MIPOL1: variants seen among roughly 807,000 people sequenced by gnomAD.
The protein encoded by MIPOL1 is mirror-image polydactyly 1.
MIPOL1 carries 57 observed loss-of-function variants against 60.9 expected under a neutral mutation model. The observed-to-expected ratio is 0.94, with a 90% CI of 0.76 to 1.17. MIPOL1 has a LOEUF of 1.17. Among genes scored for constraint, MIPOL1 ranks in the 50% most tolerant of loss-of-function variants. MIPOL1 has a pLI of 0.00. For missense variants in MIPOL1, 551 were observed against 511.6 expected, an observed-to-expected ratio of 1.08 and a Z score of -0.74; for synonymous variants, 179 against 168.8, an observed-to-expected ratio of 1.06 and a Z score of -0.47.
chr14:37,216,643 G>A (rs1967767243), intron 1 of MIPOL1, among the ~76,000 whole-genome samples: 1 of 152,048 alleles, frequency 6.6e-6, no homozygotes, highest in Non-Finnish European at 1.5e-5. Flanking sequence ...TTTGGAAACT[G>A]GACAAATACT....
intron 7 of MIPOL1, among the ~76,000 whole-genome samples, chr14:37,303,467 C>T: frequency 6.6e-6 from 1 of 151,872 alleles, no homozygotes; most frequent in East Asian, 1.9e-4. Context: ...TTTATTCTAT[C>T]TCTTTAACTA....
intron 12 of MIPOL1, among the ~76,000 whole-genome samples, chr14:37,527,397 T>TGTTATTTTTTTCCATTTAAAAGA (rs2095454644): frequency 6.6e-6 from 1 of 152,134 alleles, no homozygotes; most frequent in Admixed American, 6.5e-5. Flanking sequence ...TTAGCCGTTG[T>TGTTATTTTTTTCCATTTAAAAGA]GTTATTTTTT....
At chr14:37,487,286 CT>C (rs2094962968) in intron 11 of MIPOL1, among the ~76,000 whole-genome samples, 1 of 152,038 alleles carries the variant, frequency 6.6e-6, no homozygotes, top group East Asian at 1.9e-4. Context: ...GGATATTTGC[CT>C]GAAATTTTCT....
intron 11 of MIPOL1, among the ~76,000 whole-genome samples, chr14:37,491,932 A>G (rs1278108421): frequency 6.6e-6 from 1 of 152,174 alleles, no homozygotes; most frequent in Non-Finnish European, 1.5e-5. Context: ...TCTGTATGTC[A>G]TTCAGAATTA....
At chr14:37,538,249 C>T (rs561657472) in intron 12 of MIPOL1, among the ~76,000 whole-genome samples, 2 of 152,262 alleles carry the variant, frequency 1.3e-5, no homozygotes, top group Admixed American at 1.3e-4. Context: ...GGAGTCATTT[C>T]ACAAACTGTC....
At chr14:37,224,457 G>A (rs945686707) in intron 1 of MIPOL1, among the ~76,000 whole-genome samples, 20 of 152,220 alleles carry the variant, frequency 1.3e-4, no homozygotes, top group African/African-American at 4.3e-4. Context: ...CACAATCGTG[G>A]TGGAAGGTGA....
chr14:37,431,416 T>A (rs929694997), intron 11 of MIPOL1, among the ~76,000 whole-genome samples: 4 of 152,042 alleles, frequency 2.6e-5, no homozygotes, highest in African/African-American at 9.7e-5. Flanking sequence ...GTCTTCTCCA[T>A]CCTTACTTCT....
chr14:37,350,083 C>T (rs1042540274), intron 9 of MIPOL1, among the ~76,000 whole-genome samples: 1 of 152,046 alleles, frequency 6.6e-6, no homozygotes, highest in African/African-American at 2.4e-5. Context: ...TCTTTTTCCT[C>T]TTTTCAGAAA....
chr14:37,374,226 G>A (rs2092714595), intron 10 of MIPOL1, among the ~76,000 whole-genome samples: 1 of 151,984 alleles, frequency 6.6e-6, no homozygotes, highest in African/African-American at 2.4e-5. Context: ...TTTTTGATGG[G>A]GTTGTTTGTT....
rs2095558369 is a variant in MIPOL1 at position 37,550,166 on chromosome 14, ATAAAT to A, written c.*3197_*3201del. The A allele has an allele frequency of 3.3e-5, 5 of 151,406 alleles. No individual in the cohort carries two copies. The South Asian group carries it at 8.3e-4, about 25-fold the overall frequency. The allele number at this position is 151,406 out of a possible 1,614,324, so 9.4% of individuals were successfully genotyped here. A position where few individuals can be genotyped will look rare whatever the true frequency, so the allele number is the denominator to read the frequency against. ...ATCCTTTGTATATTTCCTTATTCAA[ATAAAT>A]TCAGTCATCTTCTTATCAGGTTGCT... On this transcript the variant is annotated 3_prime_UTR_variant, in exon 13 of 13. Coordinates refer to ENST00000684589, the MANE Select transcript of MIPOL1 (RefSeq NM_001388067.1).
intron 1 of MIPOL1, among the ~76,000 whole-genome samples, chr14:37,239,083 T>C (rs1971956551): frequency 6.8e-6 from 1 of 146,678 alleles, no homozygotes; most frequent in Non-Finnish European, 1.5e-5. Flanking sequence ...GGAGTCTGAC[T>C]CTGTTGCCCA....
intron 11 of MIPOL1, among the ~76,000 whole-genome samples, chr14:37,471,283 T>A (rs2094685559): frequency 1.3e-5 from 2 of 152,196 alleles, no homozygotes; most frequent in Admixed American, 1.3e-4. Context: ...CAGGAATATT[T>A]TCATAATTTA....
chr14:37,331,992 G>T lies in MIPOL1; in HGVS notation c.828+23473G>T, dbSNP rs189531769. Among the ~76,000 whole-genome samples, 98 of 152,194 alleles carry T rather than the reference G, an allele frequency of 6.4e-4. 1 individual carries two copies. Among genetic ancestry groups the T allele is most frequent in the Admixed American group, 1.1e-3 (17 of 15,284 alleles). ...GTCTCTACTAAAAATACAAAAATTA[G>T]CCATGCATGGTGGCAGGTGCCTGTA... On this transcript the variant is annotated intron_variant, in intron 9 of 12. Transcript: ENST00000684589.
chr14:37,496,247 G>A (rs1213268716), intron 11 of MIPOL1, among the ~76,000 whole-genome samples: 5 of 136,986 alleles, frequency 3.7e-5, no homozygotes, highest in South Asian at 2.6e-4. Context: ...GCACAAGACA[G>A]GGATGCCCTC....
At chr14:37,407,673 G>A (rs1228432495) in intron 10 of MIPOL1, among the ~76,000 whole-genome samples, 1 of 151,896 alleles carries the variant, frequency 6.6e-6, no homozygotes, top group Admixed American at 6.6e-5. Context: ...GTACATGAGA[G>A]ACCATTGTTT....
intron 11 of MIPOL1, among the ~76,000 whole-genome samples, chr14:37,461,464 G>T (rs1226884755): frequency 1.3e-5 from 2 of 152,146 alleles, no homozygotes; most frequent in African/African-American, 4.8e-5. Context: ...AATTACGTGA[G>T]GTACAGGATG....
intron 10 of MIPOL1, among the ~76,000 whole-genome samples, chr14:37,384,291 T>C (rs2093007151): frequency 6.6e-6 from 1 of 151,918 alleles, no homozygotes; most frequent in Non-Finnish European, 1.5e-5. Flanking sequence ...ATTGATTGCT[T>C]CTGCTTAGCC....
At chr14:37,403,296 T>C (rs974947517) in intron 10 of MIPOL1, among the ~76,000 whole-genome samples, 2 of 151,926 alleles carry the variant, frequency 1.3e-5, no homozygotes, top group African/African-American at 4.8e-5. Flanking sequence ...TCATGGGAGG[T>C]TGGTTTTATA....
At chr14:37,246,275 A>G (rs1228701245) in intron 1 of MIPOL1, among the ~76,000 whole-genome samples, 1 of 152,122 alleles carries the variant, frequency 6.6e-6, no homozygotes, top group Admixed American at 6.6e-5. Context: ...GTCTGCCATA[A>G]GCATTATTTT....
Sources: gnomAD v4.1 joint callset for allele counts (sites outside exome capture counted in the v4.1 genomes callset) on GRCh38, gnomAD v4.1.1 for gene constraint, MANE v1.5 for transcripts, NCBI Gene and HGNC (gene_info 2026-07-23, HGNC 2026-07-21) for gene names.